WASHC5: variants seen among roughly 807,000 people sequenced by gnomAD.
WASHC5 encodes WASH complex subunit 5.
In WASHC5, 101 loss-of-function variants were observed where a neutral mutation model predicts 150.4. That is an observed-to-expected ratio of 0.67 (90% CI 0.57 to 0.79). WASHC5 has a LOEUF of 0.79. Ranked by LOEUF, WASHC5 falls within the 30% of genes least tolerant of loss-of-function variation. The probability of loss-of-function intolerance (pLI) is 0.00; values close to 1 mark genes in which losing one functional copy is unlikely to be tolerated. For synonymous variants in WASHC5, 467 were observed against 491.2 expected, an observed-to-expected ratio of 0.95 and a Z score of 0.65; for missense variants, 1,195 against 1,396.3, an observed-to-expected ratio of 0.86 and a Z score of 2.30.
chr8:125,024,469 T>A lies in WASHC5; in HGVS notation c.*148A>T, dbSNP rs1171593011. ...TTATATTAACTAATGCCATGAGATA[T>A]ATCTTACTCAGAACGTCTGATGTTT... On this transcript the variant is annotated 3_prime_UTR_variant, in exon 29 of 29. Coordinates refer to ENST00000318410, the MANE Select transcript of WASHC5 (RefSeq NM_014846.4). 1.4e-6 allele frequency: 1 copy of A among 703,178 alleles called. No homozygotes were observed. Among genetic ancestry groups the A allele is most frequent in the African/African-American group, 1.8e-5 (1 of 56,334 alleles). 43.6% of individuals were successfully genotyped at this position (703,178 alleles called of 1,614,324 possible). A position where few individuals can be genotyped will look rare whatever the true frequency, so the allele number is the denominator to read the frequency against.
intron 6 of WASHC5, among the ~76,000 whole-genome samples, chr8:125,076,824 T>C (rs973532970): frequency 2.6e-5 from 4 of 152,008 alleles, no homozygotes; most frequent in African/African-American, 9.7e-5. Context: ...GAGACAACCC[T>C]TAGAACTGAC....
chr8:125,041,286 A>C (rs1815877653), intron 23 of WASHC5, among the ~76,000 whole-genome samples: 1 of 152,182 alleles, frequency 6.6e-6, no homozygotes, highest in African/African-American at 2.4e-5. Flanking sequence ...GGAAGACAGT[A>C]TTATAATGCA....
In WASHC5 at chr8:125,043,834, A is replaced by G. The variant is rs769830470; in HGVS notation, c.2841T>C (p.Ala947=). 6.2e-7 allele frequency: 1 copy of G among 1,607,666 alleles called. No homozygotes were observed. Among genetic ancestry groups the G allele is most frequent in the Non-Finnish European group, 8.5e-7 (1 of 1,174,158 alleles). Residue 947 remains alanine (A), a synonymous_variant, in exon 23 of 29, where the codon GCT becomes GCC. Coordinates refer to ENST00000318410, the MANE Select transcript of WASHC5 (RefSeq NM_014846.4). ...CTCTTCTACAACATACCTTCATTAT[A>G]GCCTCGAGATACGCAGTCCAAATCT... is the stretch of plus-strand genomic sequence containing the variant. The part of the protein sequence containing the change: ...TQKIWTAYLE[A]IMKVGQMQIL...
At chr8:125,052,635 CACACAT>C (rs1412305725) in intron 17 of WASHC5, among the ~76,000 whole-genome samples, 1 of 151,622 alleles carries the variant, frequency 6.6e-6, no homozygotes, top group Admixed American at 6.6e-5. Context: ...CACACACACA[CACACAT>C]ACATACATGT....
At chr8:125,037,714 GA>G (rs1815758000) in intron 25 of WASHC5, among the ~76,000 whole-genome samples, 1 of 152,068 alleles carries the variant, frequency 6.6e-6, no homozygotes, top group Non-Finnish European at 1.5e-5. Context: ...AGAGAGAAGA[GA>G]GAGAGAGGGA....
chr8:125,045,649 T>C (rs971909308), intron 20 of WASHC5, among the ~76,000 whole-genome samples: 2 of 152,254 alleles, frequency 1.3e-5, no homozygotes, highest in South Asian at 4.2e-4. Flanking sequence ...TGAGAAGGGG[T>C]TGAAAGAGCC....
chr8:125,049,062 A>C lies in WASHC5; in HGVS notation c.2323T>G (p.Ser775Ala), dbSNP rs760751846. ...TCCACGTTGTAATTTATGATACGAGATACTTCTTCCTGCCAAATCTTCAGA... is the reference window on the plus strand; with the variant it reads ...TCCACGTTGTAATTTATGATACGAGCTACTTCTTCCTGCCAAATCTTCAGA... ...YGLKIWQEEV[S>A]RIINYNVEQE... Residue 775 changes from serine to alanine, a missense_variant, in exon 19 of 29, where the codon TCT becomes GCT. Around this residue, in one of 3 missense-constraint regions of WASHC5, gnomAD observed 997 missense variants for 1,168.1 expected, o/e 0.85. Coordinates refer to ENST00000318410, the MANE Select transcript of WASHC5 (RefSeq NM_014846.4). 1 of 1,613,982 alleles carries C rather than the reference A, an allele frequency of 6.2e-7. No homozygotes were observed. The highest frequency in any genetic ancestry group is 1.6e-4 in the Middle Eastern group (1 of 6,062).
intron 23 of WASHC5, among the ~76,000 whole-genome samples, chr8:125,042,876 A>AACC (rs1357037508): frequency 6.6e-6 from 1 of 152,168 alleles, no homozygotes; most frequent in Non-Finnish European, 1.5e-5. Context: ...CAACAACAAC[A>AACC]ACCACTCACC....
chr8:125,072,936 C>G (rs914193245), intron 9 of WASHC5, among the ~76,000 whole-genome samples: 5 of 152,178 alleles, frequency 3.3e-5, no homozygotes, highest in Non-Finnish European at 7.3e-5. Context: ...TAAACATCCT[C>G]TTATTCCCTA....
At chr8:125,043,223 C>T (rs927528822) in intron 23 of WASHC5, among the ~76,000 whole-genome samples, 2 of 152,148 alleles carry the variant, frequency 1.3e-5, no homozygotes, top group African/African-American at 4.8e-5. Flanking sequence ...AAAGAAGACT[C>T]GCAGAAGATG....
intron 1 of WASHC5, among the ~76,000 whole-genome samples, chr8:125,087,751 A>AT (rs1257326744): frequency 7.0e-6 from 1 of 142,544 alleles, no homozygotes; most frequent in Non-Finnish European, 1.5e-5. Context: ...AAAAAAAAAA[A>AT]TTTTCTCACA....
intron 5 of WASHC5, among the ~76,000 whole-genome samples, chr8:125,079,785 G>C (rs1277150382): frequency 6.6e-6 from 1 of 152,072 alleles, no homozygotes; most frequent in African/African-American, 2.4e-5. Context: ...GGCAAGTTTT[G>C]ACTCCAAATG....
chr8:125,063,735 AT>A lies in WASHC5; in HGVS notation c.1279-85del, dbSNP rs1192015147. 26 of 1,262,712 alleles carry A rather than the reference AT, an allele frequency of 2.1e-5. No homozygotes were observed. In the Admixed American group the frequency reaches 3.0e-4, roughly 15 times the overall value. 78.2% of individuals were successfully genotyped at this position (1,262,712 alleles called of 1,614,324 possible). A position where few individuals can be genotyped will look rare whatever the true frequency, so the allele number is the denominator to read the frequency against. ...TATGAAGAGAGCTTGAGGAAACCCA[AT>A]TTAAATTTTAAATAAGAAGCTACAC... On this transcript the variant is annotated intron_variant, in intron 10 of 28. Transcript: ENST00000318410.
chr8:125,033,376 A>G (rs1481992866), intron 26 of WASHC5, among the ~76,000 whole-genome samples: 1 of 152,188 alleles, frequency 6.6e-6, no homozygotes, highest in Non-Finnish European at 1.5e-5. Context: ...TCTTTTAACA[A>G]ATGGTACTGA....
rs756723278 is a variant in WASHC5, at chr8:125,032,353, G to A, written c.3223C>T (p.Pro1075Ser). 13 of 1,614,206 alleles carry A rather than the reference G, an allele frequency of 8.1e-6. No individual in the cohort carries two copies. The East Asian group carries it at 2.5e-4, about 30-fold the overall frequency. The change falls in exon 27 of 29, where the codon CCA becomes TCA. Residue 1075 changes from proline to serine, a missense_variant. By Grantham distance (74) the Pro-to-Ser change is moderately conservative (BLOSUM62 -1). Transcript: ENST00000318410. ...RKPTDPVDWP[P>S]LVLGLLTLLK... Reference sequence around the variant, plus strand: ...AGAGTGAGCAGTCCCAGGACAAGTGGTGGCCAATCAACCGGGTCGGTCGGT... The same window carrying A: ...AGAGTGAGCAGTCCCAGGACAAGTGATGGCCAATCAACCGGGTCGGTCGGT...
chr8:125,055,804 T>C (rs1816387549), intron 16 of WASHC5, 133 bp from the exon 17 acceptor site: 1 of 712,040 alleles, frequency 1.4e-6, no homozygotes, highest in Admixed American at 2.1e-5. Flanking sequence ...GGCTCTGTGG[T>C]ACAACTGAAA....
chr8:125,084,082 A>G (rs1341231042), intron 1 of WASHC5, 60 bp from the exon 2 acceptor site: 7 of 605,746 alleles, frequency 1.2e-5, no homozygotes, highest in African/African-American at 9.3e-5. Flanking sequence ...ATGTGTACAC[A>G]TAAGAAACAC....
chr8:125,077,211 G>A (rs886375081), intron 6 of WASHC5, among the ~76,000 whole-genome samples: 1 of 152,236 alleles, frequency 6.6e-6, no homozygotes, highest in African/African-American at 2.4e-5. Context: ...ACATAGCCAT[G>A]TCACATGAAA....
intron 20 of WASHC5, 51 bp from the exon 21 acceptor site, chr8:125,044,749 A>G (rs1286222314): frequency 6.3e-7 from 1 of 1,583,172 alleles, no homozygotes; most frequent in East Asian, 2.2e-5. Flanking sequence ...ATTCATCCTT[A>G]AAGAGATGTT....
Sources: gnomAD v4.1 joint callset for allele counts (sites outside exome capture counted in the v4.1 genomes callset) on GRCh38, gnomAD v4.1.1 for gene constraint, gnomAD v4.1.1 regional missense constraint, MANE v1.5 for transcripts, NCBI Gene and HGNC (gene_info 2026-07-23, HGNC 2026-07-21) for gene names.